GRAMD1B: variants seen among roughly 807,000 people sequenced by gnomAD.
The protein encoded by GRAMD1B is GRAM domain containing 1B.
In GRAMD1B, 37 loss-of-function variants were observed where a neutral mutation model predicts 99.7. That is an observed-to-expected ratio of 0.37 (90% CI 0.29 to 0.49). The LOEUF (loss-of-function observed/expected upper bound fraction) is 0.49. Among genes scored for constraint, GRAMD1B ranks in the 20% least tolerant of loss-of-function variants. The pLI, the probability that GRAMD1B is intolerant of heterozygous loss-of-function variation, is 0.98. For synonymous variants in GRAMD1B, 427 were observed against 387.6 expected (o/e 1.10, Z -1.19); for missense variants, 888 against 1,009.2 (o/e 0.88, Z 1.63).
At chr11:123,362,828 G>C (rs1482038829) in intron 1 of GRAMD1B, among the ~76,000 whole-genome samples, 1 of 152,144 alleles carries the variant, frequency 6.6e-6, no homozygotes, top group African/African-American at 2.4e-5. Flanking sequence ...GAGATCCACC[G>C]AACCTGGAGA....
intron 1 of GRAMD1B, among the ~76,000 whole-genome samples, chr11:123,421,425 C>T (rs961904967): frequency 1.3e-5 from 2 of 152,162 alleles, no homozygotes; most frequent in African/African-American, 4.8e-5. Flanking sequence ...TACTAGAAGT[C>T]ATTAAGGTAA....
chr11:123,588,434 T>G, intron 4 of GRAMD1B, among the ~76,000 whole-genome samples: 1 of 152,182 alleles, frequency 6.6e-6, no homozygotes, highest in East Asian at 1.9e-4. Flanking sequence ...GGGCGTATCC[T>G]GTCTCTATCT....
At chr11:123,440,100 G>A (rs1949338499) in intron 1 of GRAMD1B, among the ~76,000 whole-genome samples, 1 of 152,176 alleles carries the variant, frequency 6.6e-6, no homozygotes, top group Non-Finnish European at 1.5e-5. Context: ...TTAGTTTAGT[G>A]ACACATTTTT....
intron 7 of GRAMD1B, among the ~76,000 whole-genome samples, chr11:123,600,147 A>T (rs1387477065): frequency 1.3e-5 from 2 of 152,168 alleles, no homozygotes; most frequent in African/African-American, 4.8e-5. Context: ...TTCATAGCTC[A>T]CCCCTTACCC....
chr11:123,536,532 T>C (rs1943977505), intron 2 of GRAMD1B, among the ~76,000 whole-genome samples: 1 of 152,194 alleles, frequency 6.6e-6, no homozygotes, highest in African/African-American at 2.4e-5. Context: ...GTTGATGCTC[T>C]TGGGATGGGG....
chr11:123,583,721 A>T (rs1054270099), intron 3 of GRAMD1B, among the ~76,000 whole-genome samples: 2 of 151,908 alleles, frequency 1.3e-5, no homozygotes, highest in Admixed American at 6.6e-5. Context: ...ATGGACCCTT[A>T]GTGATTATGT....
At chr11:123,476,249 C>T (rs1308322795) in intron 1 of GRAMD1B, among the ~76,000 whole-genome samples, 3 of 152,152 alleles carry the variant, frequency 2.0e-5, no homozygotes, top group Non-Finnish European at 2.9e-5. Context: ...TATAGGCGTG[C>T]ACCATCACAC....
chr11:123,486,554 G>GAAAAAAA (rs770942713), intron 2 of GRAMD1B, among the ~76,000 whole-genome samples: 15 of 102,216 alleles, frequency 1.5e-4, no homozygotes, highest in East Asian at 5.0e-4. Flanking sequence ...TCTCAAAAAA[G>GAAAAAAA]AAAAAAAAAA....
chr11:123,375,777 A>AT (rs1488970848), intron 1 of GRAMD1B, among the ~76,000 whole-genome samples: 1 of 152,208 alleles, frequency 6.6e-6, no homozygotes, highest in Non-Finnish European at 1.5e-5. Context: ...AAGGCATGTC[A>AT]TGTTGTTGAA....
chr11:123,571,715 G>A (rs1948119006), intron 2 of GRAMD1B, among the ~76,000 whole-genome samples: 2 of 152,156 alleles, frequency 1.3e-5, no homozygotes, highest in Admixed American at 1.3e-4. Flanking sequence ...TAAAACATCA[G>A]CTTGAGCATG....
At chr11:123,551,823 C>T (rs565660535) in intron 2 of GRAMD1B, among the ~76,000 whole-genome samples, 2 of 152,240 alleles carry the variant, frequency 1.3e-5, no homozygotes, top group East Asian at 1.9e-4. Flanking sequence ...GGATATTCCC[C>T]AGTAGGTGAG....
At chr11:123,530,455 G>T (rs1943236424) in intron 2 of GRAMD1B, among the ~76,000 whole-genome samples, 1 of 152,102 alleles carries the variant, frequency 6.6e-6, no homozygotes, top group Non-Finnish European at 1.5e-5. Flanking sequence ...TTGGCTCACT[G>T]CAACTTCCCC....
At chr11:123,383,710 C>T (rs1398887396) in intron 1 of GRAMD1B, among the ~76,000 whole-genome samples, 2 of 151,770 alleles carry the variant, frequency 1.3e-5, no homozygotes, top group Non-Finnish European at 2.9e-5. Flanking sequence ...TACACATCTC[C>T]CTGATGTTAA....
intron 2 of GRAMD1B, among the ~76,000 whole-genome samples, chr11:123,528,185 G>T (rs1206098095): frequency 6.6e-6 from 1 of 152,018 alleles, no homozygotes; most frequent in African/African-American, 2.4e-5. Flanking sequence ...TACTGATAGG[G>T]TACTAATGCT....
rs749999499 is a variant in GRAMD1B at position 123,613,569 on chromosome 11, A to T, written c.2138A>T (p.His713Leu). ...TVRRRKRPHA[H>L]LRVPHLEEVM... is the part of the protein sequence containing the mutation. ...CGGAGGAGGAAGCGTCCCCATGCCC[A>T]CCTGCGAGTCCCTCACCTGGAAGAG... The change falls in exon 16 of 20, where the codon CAC becomes CTC. Residue 713 changes from histidine (H) to leucine (L), a missense_variant. His to Leu is a moderately conservative substitution (Grantham distance 99, BLOSUM62 -3). Around this residue, in one of 5 missense-constraint regions of GRAMD1B, gnomAD observed 232 missense variants for 261.7 expected, o/e 0.89. Coordinates refer to ENST00000635736, the MANE Select transcript of GRAMD1B (RefSeq NM_001387025.1). 2 of 1,613,696 alleles carry T rather than the reference A, an allele frequency of 1.2e-6. No homozygotes were observed. The highest frequency in any genetic ancestry group is 2.7e-5 in the African/African-American group (2 of 74,910).
At chr11:123,541,506 A>G (rs945958929) in intron 2 of GRAMD1B, among the ~76,000 whole-genome samples, 1 of 147,950 alleles carries the variant, frequency 6.8e-6, no homozygotes, top group Non-Finnish European at 1.5e-5. Context: ...ATTAATTTTC[A>G]TATGATCTAT....
intron 1 of GRAMD1B, among the ~76,000 whole-genome samples, chr11:123,462,878 T>TAAA (rs1245220998): frequency 9.3e-4 from 33 of 35,428 alleles, no homozygotes; most frequent in African/African-American, 4.5e-3. Flanking sequence ...GAATTATCAA[T>TAAA]AAAAAAATAA....
chr11:123,523,106 C>T (rs750381071), intron 2 of GRAMD1B, among the ~76,000 whole-genome samples: 3 of 152,022 alleles, frequency 2.0e-5, no homozygotes, highest in East Asian at 1.9e-4. Flanking sequence ...CCGAGGTGGG[C>T]GAATCACCTG....
At chr11:123,433,917 G>C (rs1949032005) in intron 1 of GRAMD1B, among the ~76,000 whole-genome samples, 1 of 152,018 alleles carries the variant, frequency 6.6e-6, no homozygotes, top group Admixed American at 6.6e-5. Flanking sequence ...ATTTTAAGTG[G>C]TGACTTTTGG....
Sources: gnomAD v4.1 joint callset for allele counts (sites outside exome capture counted in the v4.1 genomes callset) on GRCh38, gnomAD v4.1.1 for gene constraint, gnomAD v4.1.1 regional missense constraint, MANE v1.5 for transcripts, NCBI Gene and HGNC (gene_info 2026-07-23, HGNC 2026-07-21) for gene names.